Variants in C3orf70 observed in about 807,000 individuals in gnomAD.
The protein encoded by C3orf70 is UPF0524 protein C3orf70.
A neutral mutation model predicts 20.7 loss-of-function variants in C3orf70; 15 were observed. The observed-to-expected ratio is 0.72, with a 90% CI of 0.48 to 1.11. The LOEUF (loss-of-function observed/expected upper bound fraction) is 1.11, where lower values mean the gene tolerates loss of function less well. Among genes scored for constraint, C3orf70 ranks in the 50% most tolerant of loss-of-function variants. The probability of loss-of-function intolerance (pLI) is 0.00; values close to 1 mark genes in which losing one functional copy is unlikely to be tolerated. For missense variants in C3orf70, 332 were observed against 317.6 expected (o/e 1.05, Z -0.34); for synonymous variants, 161 against 125.7 (o/e 1.28, Z -1.88).
At chr3:185,113,434 C>T (rs1043420278) in intron 1 of C3orf70, among the ~76,000 whole-genome samples, 1 of 152,116 alleles carries the variant, frequency 6.6e-6, no homozygotes, top group African/African-American at 2.4e-5. Context: ...TCCTTTTCTT[C>T]GAACATGGCT....
chr3:185,152,843 A>G lies in C3orf70; in HGVS notation c.-20T>C, dbSNP rs1172093486. ...ACTCATTTCCTCTCCCTCCGCGCGGAGCCGACACCGGGAGCCCGGGAGAAG... is the reference window on the plus strand; with the variant it reads ...ACTCATTTCCTCTCCCTCCGCGCGGGGCCGACACCGGGAGCCCGGGAGAAG... On this transcript the variant is annotated 5_prime_UTR_variant, in exon 1 of 2. Transcript: ENST00000335012. 2 of 1,499,408 alleles carry G rather than the reference A, an allele frequency of 1.3e-6. No homozygotes were observed. The highest frequency in any genetic ancestry group is 8.9e-7 in the Non-Finnish European group (1 of 1,118,916). 92.9% of individuals were successfully genotyped at this position (1,499,408 alleles called of 1,614,324 possible). A position where few individuals can be genotyped will look rare whatever the true frequency, so the allele number is the denominator to read the frequency against.
Position 185,116,702 on chromosome 3 carries a change from A to G in C3orf70, c.197-33139T>C, listed in dbSNP as rs1300329131. Among the ~76,000 whole-genome samples, 9 of 152,346 alleles carry G rather than the reference A, an allele frequency of 5.9e-5. No individual in the cohort carries two copies. The East Asian group carries it at 1.7e-3, about 29-fold the overall frequency. ...AGCAAAGGTATGTATCTATTGAAAA[A>G]TGACCTGTTGAAAAGCAAACACAGA... On this transcript the variant is annotated intron_variant, in intron 1 of 1. Coordinates refer to ENST00000335012, the MANE Select transcript of C3orf70 (RefSeq NM_001025266.3).
Position 185,096,506 on chromosome 3 carries a change from C to G in C3orf70, c.197-12943G>C, listed in dbSNP as rs1715708963. Among the ~76,000 whole-genome samples, 3 of 152,134 alleles carry G rather than the reference C, an allele frequency of 2.0e-5. No homozygotes were observed. In the South Asian group the frequency reaches 6.2e-4, roughly 32 times the overall value. ...AATGTGCTAGCTGTCAATTCACTGC[C>G]ACTGAGCTCCAAATTTTGCCTTCCA... On this transcript the variant is annotated intron_variant, in intron 1 of 1. Transcript: ENST00000335012.
chr3:185,107,709 A>G (rs547952119), intron 1 of C3orf70, among the ~76,000 whole-genome samples: 16 of 152,364 alleles, frequency 1.1e-4, no homozygotes, highest in African/African-American at 3.6e-4. Flanking sequence ...TTCCTAACTA[A>G]GAAAAAATCA....
At chr3:185,101,194 T>C (rs1715815994) in intron 1 of C3orf70, among the ~76,000 whole-genome samples, 1 of 152,136 alleles carries the variant, frequency 6.6e-6, no homozygotes, top group Non-Finnish European at 1.5e-5. Flanking sequence ...GAGGCCAGCA[T>C]CATCCTGATA....
At chr3:185,152,563 C>T in intron 1 of C3orf70, 65 bp downstream of exon 1, 6 of 1,444,558 alleles carry the variant, frequency 4.2e-6, no homozygotes, top group Non-Finnish European at 5.6e-6. Context: ...CGGCAGCGAC[C>T]CCGGACGGCC....
intron 1 of C3orf70, among the ~76,000 whole-genome samples, chr3:185,146,180 G>T (rs1465733186): frequency 3.3e-5 from 5 of 151,666 alleles, no homozygotes; most frequent in Non-Finnish European, 7.4e-5. Flanking sequence ...ATCTCTGGAA[G>T]AGCTTTGAGG....
At chr3:185,145,604 T>C (rs1716858239) in intron 1 of C3orf70, among the ~76,000 whole-genome samples, 1 of 152,186 alleles carries the variant, frequency 6.6e-6, no homozygotes, top group South Asian at 2.1e-4. Flanking sequence ...TTAAAACAGC[T>C]GAAATCATCC....
rs1715279810 is a variant in C3orf70, at chr3:185,079,308, A to AAAAAAAAAAAC, written c.*3698_*3699insGTTTTTTTTTT. ...AAAAAAAAAAAAAAAAAAAAAAGTA[A>AAAAAAAAAAAC]AGCCACCACTCCCAAGATAGAATCA... On this transcript the variant is annotated 3_prime_UTR_variant, in exon 2 of 2. Transcript: ENST00000335012. 1 of 150,110 alleles carries AAAAAAAAAAAC rather than the reference A, an allele frequency of 6.7e-6. No individual in the cohort carries two copies. The highest frequency in any genetic ancestry group is 2.5e-5 in the African/African-American group (1 of 40,702). The allele number at this position is 150,110 out of a possible 1,614,324, so 9.3% of individuals were successfully genotyped here. A position where few individuals can be genotyped will look rare whatever the true frequency, so the allele number is the denominator to read the frequency against.
intron 1 of C3orf70, among the ~76,000 whole-genome samples, chr3:185,120,885 T>C (rs1429245327): frequency 6.6e-6 from 1 of 152,054 alleles, no homozygotes; most frequent in East Asian, 1.9e-4. Context: ...ACTGGGTATA[T>C]ACCCAGAAGA....
chr3:185,108,710 C>G (rs11926315), intron 1 of C3orf70, among the ~76,000 whole-genome samples: 1 of 152,218 alleles, frequency 6.6e-6, no homozygotes, highest in African/African-American at 2.4e-5. Context: ...TCCAGTGATG[C>G]CCAACTTGCC....
chr3:185,082,801 A>C lies in C3orf70; in HGVS notation c.*206T>G, dbSNP rs1715372283. The C allele has an allele frequency of 2.2e-5, 12 of 554,442 alleles. No homozygotes were observed. The highest frequency in any genetic ancestry group is 3.8e-5 in the Non-Finnish European group (12 of 315,036). 34.3% of individuals were successfully genotyped at this position (554,442 alleles called of 1,614,324 possible). A position where few individuals can be genotyped will look rare whatever the true frequency, so the allele number is the denominator to read the frequency against. ...TGCTACATAGAAAGTAAGTCAGGATACAAAAGAAAACTGTTTATAATAAAA... is the reference window on the plus strand; with the variant it reads ...TGCTACATAGAAAGTAAGTCAGGATCCAAAAGAAAACTGTTTATAATAAAA... On this transcript the variant is annotated 3_prime_UTR_variant, in exon 2 of 2. Coordinates refer to ENST00000335012, the MANE Select transcript of C3orf70 (RefSeq NM_001025266.3).
intron 1 of C3orf70, among the ~76,000 whole-genome samples, chr3:185,127,534 G>GGTT (rs1442614096): frequency 6.6e-6 from 1 of 152,046 alleles, no homozygotes; most frequent in Non-Finnish European, 1.5e-5. Context: ...CTGCTTCTGG[G>GGTT]GTTCAAGCGA....
intron 1 of C3orf70, among the ~76,000 whole-genome samples, chr3:185,138,365 G>C (rs755623949): frequency 6.6e-6 from 1 of 151,096 alleles, no homozygotes; most frequent in Non-Finnish European, 1.5e-5. Flanking sequence ...CATTTTCATC[G>C]AGAAAATAGA....
At chr3:185,149,357 A>C (rs1716942288) in intron 1 of C3orf70, among the ~76,000 whole-genome samples, 1 of 144,054 alleles carries the variant, frequency 6.9e-6, no homozygotes. Flanking sequence ...GCGCCACTAC[A>C]CTCCAGCCCG....
At position 185,077,863 on chromosome 3, in the gene C3orf70, ACT is replaced by A. The variant is rs1348317420; in HGVS notation, c.*5142_*5143del. ...GTTCTGGGAGTTATCATGAGTGGTG[ACT>A]CTGAGTAGATACTGCGGACAGTACA... On this transcript the variant is annotated 3_prime_UTR_variant, in exon 2 of 2. Coordinates refer to ENST00000335012, the MANE Select transcript of C3orf70 (RefSeq NM_001025266.3). 1.3e-5 allele frequency among the ~76,000 whole-genome samples: 2 copies of A among 150,364 alleles called. No homozygotes were observed. Among genetic ancestry groups the A allele is most frequent in the Non-Finnish European group, 2.9e-5 (2 of 67,852 alleles).
rs1204722567 is a variant in C3orf70 at position 185,079,191 on chromosome 3, G to A, written c.*3816C>T. The A allele has an allele frequency of 6.7e-6, 1 of 148,794 alleles. No individual in the cohort carries two copies. Among genetic ancestry groups the A allele is most frequent in the Non-Finnish European group, 1.5e-5 (1 of 67,756 alleles). The allele number at this position is 148,794 out of a possible 1,614,324, so 9.2% of individuals were successfully genotyped here. A position where few individuals can be genotyped will look rare whatever the true frequency, so the allele number is the denominator to read the frequency against. Reference sequence around the variant, plus strand: ...AGCTACTCAGGAGGCTGAGGCAGGAGAATGGCATGAACCTGGGAGGCAGAG... The same window carrying A: ...AGCTACTCAGGAGGCTGAGGCAGGAAAATGGCATGAACCTGGGAGGCAGAG... On this transcript the variant is annotated 3_prime_UTR_variant, in exon 2 of 2. Coordinates refer to ENST00000335012, the MANE Select transcript of C3orf70 (RefSeq NM_001025266.3).
chr3:185,148,877 T>C (rs754395087), intron 1 of C3orf70, among the ~76,000 whole-genome samples: 11 of 152,278 alleles, frequency 7.2e-5, no homozygotes, highest in Admixed American at 7.2e-4. Context: ...ATGTGCTTTA[T>C]GTCTTTTATG....
At position 185,077,734 on chromosome 3, in the gene C3orf70, T is replaced by TA; in HGVS notation, c.*5272dup. On this transcript the variant is annotated 3_prime_UTR_variant, in exon 2 of 2. Coordinates refer to ENST00000335012, the MANE Select transcript of C3orf70 (RefSeq NM_001025266.3). Reference sequence around the variant, plus strand: ...CCAACACTGCCCCACATGACACGTGTAAGCCGAACAGAAAGGCTGTAACTG... The same window carrying TA: ...CCAACACTGCCCCACATGACACGTGTAAAGCCGAACAGAAAGGCTGTAACTG... 1.4e-5 allele frequency among the ~76,000 whole-genome samples: 2 copies of TA among 141,924 alleles called. No individual in the cohort carries two copies. Among genetic ancestry groups the TA allele is most frequent in the East Asian group, 4.7e-4 (2 of 4,258 alleles). 93.1% of individuals were successfully genotyped at this position (141,924 alleles called of 152,430 possible). A position where few individuals can be genotyped will look rare whatever the true frequency, so the allele number is the denominator to read the frequency against.
Sources: gnomAD v4.1 joint callset for allele counts (sites outside exome capture counted in the v4.1 genomes callset) on GRCh38, gnomAD v4.1.1 for gene constraint, MANE v1.5 for transcripts, NCBI Gene and HGNC (gene_info 2026-07-23, HGNC 2026-07-21) for gene names.